The following SATB2 variants were observed in gnomAD, a reference collection of about 807,000 sequenced individuals.
The protein encoded by SATB2 is SATB homeobox 2.
A neutral mutation model predicts 73.4 loss-of-function variants in SATB2; 1 was observed. The observed-to-expected ratio is 0.01, with a 90% CI of 0.00 to 0.06. The LOEUF (loss-of-function observed/expected upper bound fraction) is 0.06. Among genes scored for constraint, SATB2 ranks in the 10% least tolerant of loss-of-function variants. The probability of loss-of-function intolerance (pLI) is 1.00; values close to 1 mark genes in which losing one functional copy is unlikely to be tolerated. For synonymous variants in SATB2, 397 were observed against 367.0 expected (o/e 1.08, Z -0.93); for missense variants, 459 against 945.8 (o/e 0.49, Z 6.75).
chr2:199,424,707 AAAAAGACAAAAT>A (rs1691276128), intron 3 of SATB2, among the ~76,000 whole-genome samples: 1 of 152,220 alleles, frequency 6.6e-6, no homozygotes. Context: ...TCCAAAGGAA[AAAAAGACAAAAT>A]AGGAAGCAGG....
At chr2:199,333,996 T>C (rs1688263795) in intron 7 of SATB2, among the ~76,000 whole-genome samples, 1 of 152,134 alleles carries the variant, frequency 6.6e-6, no homozygotes, top group Non-Finnish European at 1.5e-5. Flanking sequence ...GCAGTTGAAA[T>C]GAGAGGTAGA....
chr2:199,359,131 T>C (rs1461466521), intron 6 of SATB2, among the ~76,000 whole-genome samples: 2 of 152,304 alleles, frequency 1.3e-5, no homozygotes, highest in East Asian at 1.9e-4. Context: ...CAGTTGGCAT[T>C]CCATGTGTAT....
At chr2:199,282,985 T>A (rs1692572023) in intron 10 of SATB2, among the ~76,000 whole-genome samples, 2 of 152,212 alleles carry the variant, frequency 1.3e-5, no homozygotes, top group African/African-American at 4.8e-5. Flanking sequence ...AAGACATTCT[T>A]TATCAATGAT....
intron 10 of SATB2, among the ~76,000 whole-genome samples, chr2:199,298,129 C>T (rs1687169646): frequency 6.6e-6 from 1 of 152,190 alleles, no homozygotes; most frequent in Non-Finnish European, 1.5e-5. Context: ...CCCCTTTATC[C>T]TTAAGATTAA....
intron 10 of SATB2, among the ~76,000 whole-genome samples, chr2:199,303,601 C>T (rs1378361201): frequency 6.6e-6 from 1 of 152,124 alleles, no homozygotes; most frequent in Non-Finnish European, 1.5e-5. Context: ...TATTTGGCAG[C>T]ATCTCTGACC....
chr2:199,365,186 C>CT (rs571885159), intron 6 of SATB2, among the ~76,000 whole-genome samples: 1 of 151,470 alleles, frequency 6.6e-6, no homozygotes, highest in Non-Finnish European at 1.5e-5. Flanking sequence ...TAATATTGGT[C>CT]TTTTTTCTTT....
Position 199,314,254 on chromosome 2 carries a change from C to T in SATB2, c.1543-5297G>A, listed in dbSNP as rs147250339. On this transcript the variant is annotated intron_variant, in intron 9 of 10. Coordinates refer to ENST00000417098, the MANE Select transcript of SATB2 (RefSeq NM_001172509.2). ...GAGTATGGTTTCTTGCACATAGTAG[C>T]TTCTCAATAAATAGTCATTAGATTG... 6.6e-4 allele frequency among the ~76,000 whole-genome samples: 101 copies of T among 152,230 alleles called. 1 individual carries two copies. The East Asian group carries it at 0.019, about 29-fold the overall frequency.
At chr2:199,351,289 G>A (rs1304980796) in intron 6 of SATB2, among the ~76,000 whole-genome samples, 1 of 151,362 alleles carries the variant, frequency 6.6e-6, no homozygotes, top group East Asian at 2.0e-4. Flanking sequence ...AGCCTCCCAA[G>A]TAACTGGGAT....
chr2:199,426,998 C>T (rs1421862893), intron 3 of SATB2, among the ~76,000 whole-genome samples: 3 of 152,030 alleles, frequency 2.0e-5, no homozygotes, highest in Non-Finnish European at 4.4e-5. Flanking sequence ...CTCAGCCTCC[C>T]GCATAGCTGG....
intron 3 of SATB2, among the ~76,000 whole-genome samples, chr2:199,422,616 G>A (rs543234785): frequency 2.0e-5 from 3 of 152,240 alleles, no homozygotes; most frequent in African/African-American, 7.2e-5. Context: ...TAGAAATACA[G>A]TGCCACTAAA....
chr2:199,331,152 A>G (rs1310560446), intron 7 of SATB2, among the ~76,000 whole-genome samples: 2 of 151,856 alleles, frequency 1.3e-5, no homozygotes, highest in African/African-American at 4.8e-5. Flanking sequence ...GCTCAAAATT[A>G]TGTTTGTTCA....
At chr2:199,432,515 T>C (rs1322586946) in intron 3 of SATB2, among the ~76,000 whole-genome samples, 2 of 152,286 alleles carry the variant, frequency 1.3e-5, no homozygotes, top group South Asian at 4.1e-4. Context: ...CACTAACATA[T>C]AAACTAAGAT....
At chr2:199,388,837 C>G (rs531035539) in intron 3 of SATB2, among the ~76,000 whole-genome samples, 1 of 152,248 alleles carries the variant, frequency 6.6e-6, no homozygotes, top group South Asian at 2.1e-4. Context: ...ACAATACCAA[C>G]TGCTGATGAG....
chr2:199,370,067 G>A (rs1689397772), intron 5 of SATB2, among the ~76,000 whole-genome samples: 1 of 152,100 alleles, frequency 6.6e-6, no homozygotes, highest in Admixed American at 6.6e-5. Flanking sequence ...ATGAGGCCTT[G>A]TCTCCTGCCT....
intron 6 of SATB2, among the ~76,000 whole-genome samples, chr2:199,353,599 A>C (rs1688886206): frequency 6.6e-6 from 1 of 152,184 alleles, no homozygotes. Context: ...AGGATGTGCC[A>C]GACTGTATCA....
chr2:199,364,699 C>T (rs1689233609), intron 6 of SATB2, among the ~76,000 whole-genome samples: 1 of 152,000 alleles, frequency 6.6e-6, no homozygotes, highest in Admixed American at 6.6e-5. Flanking sequence ...TTTCAATGAC[C>T]CTTCAATTCT....
At chr2:199,371,837 T>C (rs1689457256) in intron 5 of SATB2, among the ~76,000 whole-genome samples, 1 of 151,998 alleles carries the variant, frequency 6.6e-6, no homozygotes, top group Admixed American at 6.6e-5. Flanking sequence ...ACCCAGAAAA[T>C]ATGTGTATTG....
intron 9 of SATB2, among the ~76,000 whole-genome samples, chr2:199,321,169 T>G (rs1574503171): frequency 6.6e-6 from 1 of 151,996 alleles, no homozygotes; most frequent in Non-Finnish European, 1.5e-5. Flanking sequence ...GCCACTCCCC[T>G]CTGCAGCTTG....
chr2:199,323,713 T>C, intron 9 of SATB2, 90 bp downstream of exon 9: 1 of 1,312,592 alleles, frequency 7.6e-7, no homozygotes, highest in Non-Finnish European at 1.1e-6. Context: ...ACTGTTATTA[T>C]TATTATAGGA....
Sources: gnomAD v4.1 joint callset for allele counts (sites outside exome capture counted in the v4.1 genomes callset) on GRCh38, gnomAD v4.1.1 for gene constraint, MANE v1.5 for transcripts, NCBI Gene and HGNC (gene_info 2026-07-23, HGNC 2026-07-21) for gene names.